PARP4: variants seen among roughly 807,000 people sequenced by gnomAD.
The protein encoded by PARP4 is poly(ADP-ribose) polymerase family member 4.
Under a neutral mutation model 187.7 loss-of-function variants are expected in PARP4, and 120 were observed. The ratio of observed to expected loss-of-function variants is 0.64; its 90% CI spans 0.55 to 0.74. The LOEUF (loss-of-function observed/expected upper bound fraction) is 0.74, where lower values mean the gene tolerates loss of function less well. Ranked by LOEUF, PARP4 falls within the 30% of genes least tolerant of loss-of-function variation. The pLI is 0.00. For synonymous variants in PARP4, 654 were observed against 740.9 expected (o/e 0.88, Z 1.90); for missense variants, 1,836 against 2,070.5 (o/e 0.89, Z 2.20).
chr13:24,507,623 C>G (rs905200207), intron 1 of PARP4, among the ~76,000 whole-genome samples: 3 of 152,232 alleles, frequency 2.0e-5, no homozygotes, highest in African/African-American at 7.2e-5. Context: ...CCACCCTGGC[C>G]CATGCCCTCG....
At chr13:24,489,623 T>C (rs189284888) in intron 10 of PARP4, among the ~76,000 whole-genome samples, 81 of 151,986 alleles carry the variant, frequency 5.3e-4, no homozygotes, top group Non-Finnish European at 1.1e-3. Context: ...AAATAAAAAA[T>C]AAAATAAAAA....
chr13:24,433,949 T>G (rs755832160), intron 31 of PARP4, among the ~76,000 whole-genome samples: 200 of 152,324 alleles, frequency 1.3e-3, no homozygotes, highest in Non-Finnish European at 2.5e-4. Context: ...ATATACATGT[T>G]GAATAATATC....
At chr13:24,432,402 G>T (rs1870387330) in intron 31 of PARP4, among the ~76,000 whole-genome samples, 1 of 152,032 alleles carries the variant, frequency 6.6e-6, no homozygotes, top group Admixed American at 6.6e-5. Flanking sequence ...CATACAAAAA[G>T]TCACCAACAT....
At chr13:24,425,308 A>T (rs1238950251) in intron 33 of PARP4, among the ~76,000 whole-genome samples, 46 of 152,166 alleles carry the variant, frequency 3.0e-4, no homozygotes, top group Non-Finnish European at 2.5e-4. Flanking sequence ...CTCAATAAAT[A>T]AATAAATAAA....
chr13:24,509,370 G>A (rs776753513), intron 1 of PARP4, among the ~76,000 whole-genome samples: 18 of 151,996 alleles, frequency 1.2e-4, no homozygotes, highest in Admixed American at 6.5e-4. Context: ...AGCTGGGCAA[G>A]GTGGTACATG....
At position 24,478,218 on chromosome 13, in the gene PARP4, A is replaced by G. The variant is rs776931222; in HGVS notation, c.1507T>C (p.Cys503Arg). 4 of 1,613,486 alleles carry G rather than the reference A, an allele frequency of 2.5e-6. No homozygotes were observed. The African/African-American group carries it at 4.0e-5, about 16-fold the overall frequency. The stretch of plus-strand genomic sequence containing the variant: ...ATACACTTTCCGAGGGCTACGTCAC[A>G]AATGAGCAGGAGTCTGGTGCCATCT... ...ETDGTRLLLI[C>R]DVALGKCMDL... The change falls in exon 13 of 34, where the codon TGT (cysteine) becomes CGT (arginine). Residue 503 changes from cysteine (C) to arginine (R), a missense_variant. This residue lies in a region of PARP4 where 1,147 missense variants were observed against 1,214.2 expected (regional missense o/e 0.94). Coordinates refer to ENST00000381989, the MANE Select transcript of PARP4 (RefSeq NM_006437.4).
At chr13:24,457,431 C>T (rs1041161613) in intron 20 of PARP4, among the ~76,000 whole-genome samples, 8 of 152,224 alleles carry the variant, frequency 5.3e-5, no homozygotes, top group South Asian at 4.1e-4. Flanking sequence ...CAAGCAGGGG[C>T]GTGAAAAGTG....
intron 32 of PARP4, among the ~76,000 whole-genome samples, chr13:24,427,660 C>A (rs923322734): frequency 5.9e-5 from 9 of 152,056 alleles, no homozygotes; most frequent in Non-Finnish European, 8.8e-5. Context: ...TGCATATACA[C>A]CATTAATTTT....
At chr13:24,470,956 T>G (rs1872705849) in intron 15 of PARP4, among the ~76,000 whole-genome samples, 1 of 152,146 alleles carries the variant, frequency 6.6e-6, no homozygotes, top group Non-Finnish European at 1.5e-5. Flanking sequence ...AACACCTTGC[T>G]GGCCAGTGGG....
intron 32 of PARP4, among the ~76,000 whole-genome samples, chr13:24,427,361 T>G (rs1470697368): frequency 7.2e-6 from 1 of 139,404 alleles, no homozygotes; most frequent in Non-Finnish European, 1.5e-5. Context: ...ATTTTAAAAA[T>G]CCAAGCTTCT....
At chr13:24,457,202 A>G (rs1871903593) in intron 20 of PARP4, among the ~76,000 whole-genome samples, 1 of 152,224 alleles carries the variant, frequency 6.6e-6, no homozygotes, top group Non-Finnish European at 1.5e-5. Context: ...AATATAAAAA[A>G]GCTGTTGAAA....
intron 18 of PARP4, 113 bp downstream of exon 18, chr13:24,459,859 C>T (rs529737937): frequency 6.3e-6 from 5 of 788,706 alleles, no homozygotes; most frequent in South Asian, 2.1e-5. Flanking sequence ...TAACTTTATG[C>T]CTAAAAGATT....
intron 1 of PARP4, among the ~76,000 whole-genome samples, chr13:24,508,920 T>C (rs183409900): frequency 2.5e-4 from 38 of 152,356 alleles, no homozygotes; most frequent in South Asian, 1.4e-3. Flanking sequence ...ACATTTTTAA[T>C]AGAGACTATC....
chr13:24,489,566 G>A (rs892557543), intron 10 of PARP4, among the ~76,000 whole-genome samples: 1 of 152,072 alleles, frequency 6.6e-6, no homozygotes, highest in Non-Finnish European at 1.5e-5. Flanking sequence ...CCGAGATCGC[G>A]TCACTGCACT....
In PARP4 at chr13:24,422,677, C is replaced by T. The variant is rs184131038; in HGVS notation, c.4980-1363G>A. On this transcript the variant is annotated intron_variant, in intron 33 of 33. Transcript: ENST00000381989. ...AGGCTGGAGTGCAGGGACACGATCT[C>T]GGTTCACTGCAACCTCTGACTCCTT... 1.2e-3 allele frequency among the ~76,000 whole-genome samples: 178 copies of T among 152,152 alleles called. 3 individuals are homozygous for T. In the East Asian group the frequency reaches 0.018, roughly 15 times the overall value.
Position 24,471,373 on chromosome 13 carries a change from C to A in PARP4, c.1915-1348G>T, listed in dbSNP as rs144608037. The stretch of plus-strand genomic sequence containing the variant: ...ACATCAGGCCTGTGGCAGCTGCACT[C>A]TCTTTGCATATCACACTGTGTGGCT... On this transcript the variant is annotated intron_variant, in intron 15 of 33. Transcript: ENST00000381989. Among the ~76,000 whole-genome samples the A allele has an allele frequency of 4.3e-3, 649 of 152,298 alleles. 8 individuals carry two copies. Among genetic ancestry groups the A allele is most frequent in the African/African-American group, 0.015 (610 of 41,570 alleles).
chr13:24,477,933 A>T, intron 13 of PARP4, 76 bp from the exon 14 acceptor site: 2 of 1,193,212 alleles, frequency 1.7e-6, no homozygotes, highest in Non-Finnish European at 2.3e-6. Context: ...GTTTTCATAA[A>T]AGCATGTTTG....
rs773375648 is a variant in PARP4, at chr13:24,469,939, C to T, written c.2001G>A (p.Val667=). 8 of 1,613,746 alleles carry T rather than the reference C, an allele frequency of 5.0e-6. No individual in the cohort carries two copies. In the African/African-American group the frequency reaches 1.1e-4, roughly 22 times the overall value. ...YIFPLDDKAA[V]CGFEAFINGK... ...CATTGATGAAGGCTTCGAAGCCACA[C>T]ACAGCGGCCTTGTCATCCAAAGGAA... The change falls in exon 16 of 34, where the codon GTG becomes GTA. Residue 667 remains valine, a synonymous_variant. Coordinates refer to ENST00000381989, the MANE Select transcript of PARP4 (RefSeq NM_006437.4).
At chr13:24,510,427 G>A (rs925938258) in intron 1 of PARP4, among the ~76,000 whole-genome samples, 8 of 150,856 alleles carry the variant, frequency 5.3e-5, no homozygotes, top group African/African-American at 1.7e-4. Context: ...AGTGGCGGGT[G>A]CCTGTAGTCC....
Sources: gnomAD v4.1 joint callset for allele counts (sites outside exome capture counted in the v4.1 genomes callset) on GRCh38, gnomAD v4.1.1 for gene constraint, gnomAD v4.1.1 regional missense constraint, MANE v1.5 for transcripts, NCBI Gene and HGNC (gene_info 2026-07-23, HGNC 2026-07-21) for gene names.